The following GRP variants were observed in gnomAD, a reference collection of about 807,000 sequenced individuals.
The protein encoded by GRP is gastrin releasing peptide.
A neutral mutation model predicts 12.7 loss-of-function variants in GRP; 11 were observed. The observed-to-expected ratio is 0.87, with a 90% CI of 0.55 to 1.44. The LOEUF is 1.44. Among genes scored for constraint, GRP ranks in the 40% most tolerant of loss-of-function variants. GRP has a pLI of 0.00. For missense variants in GRP, 212 were observed against 185.4 expected, an observed-to-expected ratio of 1.14 and a Z score of -0.83; for synonymous variants, 84 against 77.7, an observed-to-expected ratio of 1.08 and a Z score of -0.43.
chr18:59,224,130 T>C (rs1027175912), intron 1 of GRP, among the ~76,000 whole-genome samples: 1 of 152,238 alleles, frequency 6.6e-6, no homozygotes, highest in Non-Finnish European at 1.5e-5. Flanking sequence ...AGCTACCTTA[T>C]ATTCTTAGCA....
In GRP at chr18:59,220,400, G is replaced by T. The variant is rs765033630; in HGVS notation, c.135G>T (p.Ala45=). 39 of 1,376,602 alleles carry T rather than the reference G, an allele frequency of 2.8e-5. No individual in the cohort carries two copies. Among genetic ancestry groups the T allele is most frequent in the South Asian group, 3.3e-5 (2 of 60,040 alleles). 85.3% of individuals were successfully genotyped at this position (1,376,602 alleles called of 1,614,324 possible). ...TGTACCCGCGCGGCAACCACTGGGC[G>T]GTGGGTGAGTGTCCTGGCCGCGGGA... ...TKMYPRGNHW[A]VGHLMGKKST... is the part of the protein sequence containing the mutation. The change falls in exon 1 of 3, where the codon GCG becomes GCT. Residue 45 remains alanine, a synonymous_variant. Coordinates refer to ENST00000256857, the MANE Select transcript of GRP (RefSeq NM_002091.5).
At position 59,220,165 on chromosome 18, in the gene GRP, G is replaced by A; in HGVS notation, c.-101G>A. On this transcript the variant is annotated 5_prime_UTR_variant, in exon 1 of 3. Coordinates refer to ENST00000256857, the MANE Select transcript of GRP (RefSeq NM_002091.5). Reference sequence around the variant, plus strand: ...GGCCCTAGTGGAGGCCGCAGCAGTAGCACCAGCGGCTGCGGCGGCGGAGCT... The same window carrying A: ...GGCCCTAGTGGAGGCCGCAGCAGTAACACCAGCGGCTGCGGCGGCGGAGCT... 3.6e-6 allele frequency: 3 copies of A among 835,674 alleles called. No homozygotes were observed. The highest frequency in any genetic ancestry group is 5.0e-6 in the Non-Finnish European group (3 of 596,298). 51.8% of individuals were successfully genotyped at this position (835,674 alleles called of 1,614,324 possible).
intron 2 of GRP, among the ~76,000 whole-genome samples, chr18:59,227,898 G>C (rs1393347672): frequency 6.6e-6 from 1 of 152,164 alleles, no homozygotes; most frequent in Non-Finnish European, 1.5e-5. Flanking sequence ...TAATAGGATG[G>C]GTTGAGTGGG....
chr18:59,222,667 T>C (rs2069853601), intron 1 of GRP, among the ~76,000 whole-genome samples: 1 of 152,240 alleles, frequency 6.6e-6, no homozygotes, highest in Non-Finnish European at 1.5e-5. Context: ...AGTTTAGTTT[T>C]AATTATATAA....
intron 2 of GRP, among the ~76,000 whole-genome samples, chr18:59,227,209 T>C (rs1173881523): frequency 6.6e-6 from 1 of 151,866 alleles, no homozygotes. Context: ...CTATGCTAAA[T>C]GGAAACTGAA....
chr18:59,224,304 T>C (rs969141423), intron 1 of GRP, among the ~76,000 whole-genome samples: 5 of 152,190 alleles, frequency 3.3e-5, no homozygotes, highest in African/African-American at 1.2e-4. Flanking sequence ...AAACATCCCA[T>C]AAACTGCAAA....
At chr18:59,228,728 C>A (rs1375304249) in intron 2 of GRP, among the ~76,000 whole-genome samples, 2 of 152,156 alleles carry the variant, frequency 1.3e-5, no homozygotes, top group Admixed American at 6.5e-5. Flanking sequence ...TGGAACTTTT[C>A]CCCCATGGTT....
chr18:59,220,421 CGGG>C lies in GRP; in HGVS notation c.139+18_139+20del. The C allele has an allele frequency of 7.4e-7, 1 of 1,342,592 alleles. No individual in the cohort carries two copies. 83.2% of individuals were successfully genotyped at this position (1,342,592 alleles called of 1,614,324 possible). A position where few individuals can be genotyped will look rare whatever the true frequency, so the allele number is the denominator to read the frequency against. ...GGGCGGTGGGTGAGTGTCCTGGCCG[CGGG>C]AGCCGCGCGCTTGTCCTCCTCTGGA... On this transcript the variant is annotated intron_variant, in intron 1 of 2. Coordinates refer to ENST00000256857, the MANE Select transcript of GRP (RefSeq NM_002091.5).
intron 1 of GRP, among the ~76,000 whole-genome samples, chr18:59,222,770 T>C (rs1266387301): frequency 2.6e-5 from 4 of 152,244 alleles, no homozygotes; most frequent in Admixed American, 1.3e-4. Flanking sequence ...GAGAGAAGCA[T>C]GGTGCAGCAA....
intron 2 of GRP, among the ~76,000 whole-genome samples, chr18:59,226,193 G>A (rs1021247151): frequency 1.3e-5 from 2 of 152,128 alleles, no homozygotes; most frequent in African/African-American, 4.8e-5. Flanking sequence ...TGTTCCAGGA[G>A]TACCTAGTTC....
In GRP at chr18:59,225,466, G is replaced by C. The variant is rs1429356735; in HGVS notation, c.140-26G>C. 7.6e-6 allele frequency: 12 copies of C among 1,587,864 alleles called. No individual in the cohort carries two copies. The South Asian group carries it at 1.4e-4, about 18-fold the overall frequency. ...CCTTTGGTTAAATTTGTGGCATTCT[G>C]AGTGTTTTTGTTTTTGTTTTTACAG... On this transcript the variant is annotated intron_variant, in intron 1 of 2. Coordinates refer to ENST00000256857, the MANE Select transcript of GRP (RefSeq NM_002091.5).
At chr18:59,221,319 G>T (rs2069829960) in intron 1 of GRP, among the ~76,000 whole-genome samples, 1 of 152,220 alleles carries the variant, frequency 6.6e-6, no homozygotes, top group Admixed American at 6.5e-5. Flanking sequence ...CCTGCGGGTG[G>T]GGTCAGGATT....
chr18:59,224,995 A>T (rs560895816), intron 1 of GRP, among the ~76,000 whole-genome samples: 23 of 152,248 alleles, frequency 1.5e-4, no homozygotes, highest in African/African-American at 5.1e-4. Context: ...AAATATTTTT[A>T]AAAAACCACA....
In GRP at chr18:59,227,478, C is replaced by A. The variant is rs186738190; in HGVS notation, c.382+1744C>A. 8.1e-4 allele frequency among the ~76,000 whole-genome samples: 124 copies of A among 152,260 alleles called. No individual in the cohort carries two copies. In the East Asian group the frequency reaches 0.023, roughly 28 times the overall value. ...GACTTCTCAGATTCTAGCTGCCATGCCTTTTTCATGGTCAGGTGCTTTGCC... is the reference window on the plus strand; with the variant it reads ...GACTTCTCAGATTCTAGCTGCCATGACTTTTTCATGGTCAGGTGCTTTGCC... On this transcript the variant is annotated intron_variant, in intron 2 of 2. Transcript: ENST00000256857.
chr18:59,227,017 CTTT>C (rs770348891), intron 2 of GRP, among the ~76,000 whole-genome samples: 1 of 131,718 alleles, frequency 7.6e-6, no homozygotes, highest in Non-Finnish European at 1.6e-5. Flanking sequence ...TTCTTTCTTT[CTTT>C]CTTTCTTTCT....
rs115288807 is a variant in GRP at position 59,223,752 on chromosome 18, A to G, written c.140-1740A>G. 3.5e-3 allele frequency among the ~76,000 whole-genome samples: 534 copies of G among 152,246 alleles called. 2 individuals are homozygous for G. The highest frequency in any genetic ancestry group is 0.011 in the African/African-American group (468 of 41,542). On this transcript the variant is annotated intron_variant, in intron 1 of 2. Transcript: ENST00000256857. The stretch of plus-strand genomic sequence containing the variant: ...TATAAATAAAGTCAAATGCATCACT[A>G]CTTCCTGGGAAGTTGCACAACATAA...
chr18:59,227,000 T>C (rs1239228162), intron 2 of GRP, among the ~76,000 whole-genome samples: 94 of 63,130 alleles, frequency 1.5e-3, no homozygotes, highest in African/African-American at 5.1e-3. Flanking sequence ...TTCCTTTCTT[T>C]CTTTCTTTCT....
In GRP at chr18:59,221,290, GCTGCGGGTGCGGAGGGCGC is replaced by G. The variant is rs1335388365; in HGVS notation, c.139+896_139+914del. ...GAACCCAGGCGGAGAGGACGGCCGCGCTGCGGGTGCGGAGGGCGCCTGCGGGTGGGGTCAGGATTCCGCC... is the reference window on the plus strand; with the variant it reads ...GAACCCAGGCGGAGAGGACGGCCGCGCTGCGGGTGGGGTCAGGATTCCGCC... On this transcript the variant is annotated intron_variant, in intron 1 of 2. Transcript: ENST00000256857. 3.3e-5 allele frequency among the ~76,000 whole-genome samples: 5 copies of G among 152,324 alleles called. No individual in the cohort carries two copies. In the South Asian group the frequency reaches 1.0e-3, roughly 32 times the overall value.
chr18:59,225,842 C>G (rs2069912172), intron 2 of GRP, 108 bp downstream of exon 2: 2 of 959,152 alleles, frequency 2.1e-6, no homozygotes, highest in South Asian at 3.2e-5. Context: ...TAAACCTTCA[C>G]AGTCACTACA....
Sources: allele counts gnomAD v4.1 joint callset (sites outside exome capture counted in the v4.1 genomes callset), GRCh38; gene constraint gnomAD v4.1.1; transcripts MANE v1.5; gene names NCBI Gene and HGNC (gene_info 2026-07-23, HGNC 2026-07-21).